Variants in TM9SF4 observed in about 807,000 individuals in gnomAD.
The protein encoded by TM9SF4 is transmembrane 9 superfamily member 4, also known as dinucleotide oxidase disulfide thiol exchanger 3 superfamily member 4.
TM9SF4 carries 26 observed loss-of-function variants against 90.4 expected under a neutral mutation model. The observed-to-expected ratio is 0.29, with a 90% CI of 0.21 to 0.40. The LOEUF is 0.40. Among genes scored for constraint, TM9SF4 ranks in the 10% least tolerant of loss-of-function variants. The probability of loss-of-function intolerance (pLI) is 1.00; values close to 1 mark genes in which losing one functional copy is unlikely to be tolerated. For missense variants in TM9SF4, 549 were observed against 834.8 expected, an observed-to-expected ratio of 0.66 and a Z score of 4.22; for synonymous variants, 293 against 315.4, an observed-to-expected ratio of 0.93 and a Z score of 0.75.
intron 2 of TM9SF4, 138 bp downstream of exon 2, chr20:32,133,264 C>T (rs771113259): frequency 2.5e-5 from 16 of 652,878 alleles, no homozygotes; most frequent in Non-Finnish European, 3.8e-5. Context: ...GCCTCTCCCT[C>T]TCCCTGTGCC....
intron 2 of TM9SF4, among the ~76,000 whole-genome samples, chr20:32,135,034 T>C (rs774655577): frequency 5.9e-5 from 9 of 152,134 alleles, no homozygotes; most frequent in Non-Finnish European, 1.2e-4. Flanking sequence ...TACTTTTAGG[T>C]GGTGTATGAG....
At chr20:32,158,000 G>T in intron 14 of TM9SF4, 31 bp downstream of exon 14, 2 of 1,612,558 alleles carry the variant, frequency 1.2e-6, no homozygotes, top group East Asian at 2.2e-5. Context: ...AAGAGCAGGG[G>T]AACGTGGAAG....
Position 32,145,093 on chromosome 20 carries a change from C to T in TM9SF4, c.655C>T (p.Leu219Phe), listed in dbSNP as rs2046743180. Residue 219 changes from leucine (L) to phenylalanine (F), a missense_variant and splice_region_variant, in exon 7 of 18, where the codon CTC becomes TTC. Physicochemically the swap from Leu to Phe is conservative, Grantham distance 22. Coordinates refer to ENST00000398022, the MANE Select transcript of TM9SF4 (RefSeq NM_014742.4). ...VIPQSIRLED[L>F]KADEKSSCTL... ...GACTGAGTCTGTGTCTCTCTCAGACCTCAAAGCAGATGAGAAGAGTTCGTG... is the reference window on the plus strand; with the variant it reads ...GACTGAGTCTGTGTCTCTCTCAGACTTCAAAGCAGATGAGAAGAGTTCGTG... 2.5e-6 allele frequency: 4 copies of T among 1,613,928 alleles called. No individual in the cohort carries two copies. Among genetic ancestry groups the T allele is most frequent in the Admixed American group, 3.3e-5 (2 of 59,996 alleles).
intron 1 of TM9SF4, among the ~76,000 whole-genome samples, chr20:32,132,352 T>G (rs2046530627): frequency 6.6e-6 from 1 of 151,534 alleles, no homozygotes; most frequent in Non-Finnish European, 1.5e-5. Flanking sequence ...TGCAGTGACC[T>G]GAGATCATGC....
chr20:32,137,532 T>C (rs1018730656), intron 3 of TM9SF4, among the ~76,000 whole-genome samples: 2 of 152,214 alleles, frequency 1.3e-5, no homozygotes, highest in African/African-American at 4.8e-5. Flanking sequence ...ATTCTGTCTT[T>C]GTAGTGCCTG....
intron 1 of TM9SF4, among the ~76,000 whole-genome samples, chr20:32,118,826 G>A (rs1159821781): frequency 2.0e-5 from 3 of 151,826 alleles, no homozygotes; most frequent in South Asian, 4.2e-4. Context: ...TTGTAGAGAC[G>A]AGGTTTTGCT....
intron 15 of TM9SF4, 73 bp downstream of exon 15, chr20:32,158,587 C>T (rs1220896187): frequency 1.3e-6 from 2 of 1,486,632 alleles, no homozygotes; most frequent in Non-Finnish European, 1.9e-6. Flanking sequence ...GGGTGCTCTG[C>T]TGCCTACTGC....
Position 32,165,537 on chromosome 20 carries a change from C to A in TM9SF4, c.*93C>A. 1 of 1,463,178 alleles carries A rather than the reference C, an allele frequency of 6.8e-7. No individual in the cohort carries two copies. The allele number at this position is 1,463,178 out of a possible 1,614,324, so 90.6% of individuals were successfully genotyped here. On this transcript the variant is annotated 3_prime_UTR_variant, in exon 18 of 18. Coordinates refer to ENST00000398022, the MANE Select transcript of TM9SF4 (RefSeq NM_014742.4). ...GGCACGCAAAATAAAATAACTCCTG[C>A]TCGTTTGGAATGTAACTCCTGGCAC... is the stretch of plus-strand genomic sequence containing the variant.
At position 32,161,269 on chromosome 20, in the gene TM9SF4, T is replaced by A; in HGVS notation, c.1690-7T>A. On this transcript the variant is annotated splice_polypyrimidine_tract_variant and splice_region_variant and intron_variant, in intron 16 of 17. Coordinates refer to ENST00000398022, the MANE Select transcript of TM9SF4 (RefSeq NM_014742.4). ...ACAACACTGACCTTCCTCTGTTTCC[T>A]CCTCAGGATTACCGCTGGTGGTGGA... 6.2e-7 allele frequency: 1 copy of A among 1,613,420 alleles called. No homozygotes were observed. The highest frequency in any genetic ancestry group is 1.1e-5 in the South Asian group (1 of 91,050).
intron 1 of TM9SF4, among the ~76,000 whole-genome samples, chr20:32,125,624 C>T (rs1292780726): frequency 6.6e-6 from 1 of 151,930 alleles, no homozygotes; most frequent in Non-Finnish European, 1.5e-5. Flanking sequence ...GCTTCGGTAC[C>T]TGGCTGCTGC....
At position 32,146,851 on chromosome 20, in the gene TM9SF4, AC is replaced by A; in HGVS notation, c.951del (p.Asp317GlufsTer26). ...ATTGCCAACTACAACAAGGAGGATGACATTGTACGAGGTCTTGGCTGGGGAG... is the reference window on the plus strand; with the variant it reads ...ATTGCCAACTACAACAAGGAGGATGAATTGTACGAGGTCTTGGCTGGGGAG... ...KDIANYNKED[D>X]IEDTMEESGW... On this transcript the variant is annotated frameshift_variant, in exon 9 of 18. Coordinates refer to ENST00000398022, the MANE Select transcript of TM9SF4 (RefSeq NM_014742.4). LOFTEE classifies it high-confidence loss of function. 1 of 1,613,748 alleles carries A rather than the reference AC, an allele frequency of 6.2e-7. No homozygotes were observed. Among genetic ancestry groups the A allele is most frequent in the Non-Finnish European group, 8.5e-7 (1 of 1,179,902 alleles).
intron 8 of TM9SF4, among the ~76,000 whole-genome samples, chr20:32,146,542 G>A (rs2046765285): frequency 6.6e-6 from 1 of 152,002 alleles, no homozygotes; most frequent in African/African-American, 2.4e-5. Context: ...CTCTCCCCAG[G>A]ATACCCCTAC....
chr20:32,139,009 A>G (rs2046633357), intron 3 of TM9SF4, among the ~76,000 whole-genome samples: 4 of 152,344 alleles, frequency 2.6e-5, no homozygotes, highest in South Asian at 2.1e-4. Flanking sequence ...TGGCCAATCC[A>G]TCCCTGGGTT....
At chr20:32,113,768 T>C (rs1483881635) in intron 1 of TM9SF4, among the ~76,000 whole-genome samples, 2 of 152,240 alleles carry the variant, frequency 1.3e-5, no homozygotes, top group Non-Finnish European at 2.9e-5. Context: ...GTTATCACCA[T>C]TGTGTAATTC....
In TM9SF4 at chr20:32,151,310, G is replaced by A. The variant is rs565804248; in HGVS notation, c.1245+435G>A. On this transcript the variant is annotated intron_variant, in intron 12 of 17. Transcript: ENST00000398022. ...AGGCTGGTGCCTGCATTTCTCTTTG[G>A]TGAGGATTGCTGCCCTTCTCTGGCC... 5.7e-4 allele frequency among the ~76,000 whole-genome samples: 87 copies of A among 152,280 alleles called. No homozygotes were observed. The South Asian group carries it at 0.013, about 24-fold the overall frequency.
At chr20:32,160,536 T>C (rs1157970583) in intron 16 of TM9SF4, among the ~76,000 whole-genome samples, 5 of 152,300 alleles carry the variant, frequency 3.3e-5, no homozygotes, top group Admixed American at 3.3e-4. Context: ...CTCTGGGTCT[T>C]GGGCGGGTTG....
In TM9SF4 at chr20:32,145,185, C is replaced by T. The variant is rs768633861; in HGVS notation, c.747C>T (p.Tyr249=). The T allele has an allele frequency of 3.1e-6, 5 of 1,614,222 alleles. No homozygotes were observed. The highest frequency in any genetic ancestry group is 4.2e-6 in the Non-Finnish European group (5 of 1,180,036). The change falls in exon 7 of 18, where the codon TAC becomes TAT. Residue 249 remains tyrosine (Y), a synonymous_variant. Coordinates refer to ENST00000398022, the MANE Select transcript of TM9SF4 (RefSeq NM_014742.4). ...EIDPTKENQL[Y]FTYSVHWEES... ...ACCCCACCAAGGAGAATCAGCTGTA[C>T]TTCACCTACTCTGTCCACTGGGAGG...
chr20:32,115,708 T>C (rs1156466893), intron 1 of TM9SF4, among the ~76,000 whole-genome samples: 8 of 152,108 alleles, frequency 5.3e-5, no homozygotes, highest in Non-Finnish European at 1.5e-5. Context: ...TTGGACTGAT[T>C]GGTTATGTGA....
chr20:32,123,176 A>G (rs867177826), intron 1 of TM9SF4, among the ~76,000 whole-genome samples: 6 of 9,168 alleles, frequency 6.5e-4, no homozygotes, highest in Admixed American at 1.8e-3. Context: ...GGAGAGGGGG[A>G]GGGGGGGAGG....
Sources: allele counts gnomAD v4.1 joint callset (sites outside exome capture counted in the v4.1 genomes callset), GRCh38; gene constraint gnomAD v4.1.1; transcripts MANE v1.5; gene names NCBI Gene and HGNC (gene_info 2026-07-23, HGNC 2026-07-21).